VEGFC: variants seen among roughly 807,000 people sequenced by gnomAD.
The protein encoded by VEGFC is FLT4 ligand DHM.
Under a neutral mutation model 46.1 loss-of-function variants are expected in VEGFC, and 12 were observed. The observed-to-expected ratio is 0.26, with a 90% confidence interval of 0.17 to 0.42. VEGFC has a LOEUF of 0.42. Ranked by LOEUF, VEGFC falls within the 10% of genes least tolerant of loss-of-function variation. VEGFC has a pLI of 1.00. For synonymous variants in VEGFC, 232 were observed against 195.5 expected, an observed-to-expected ratio of 1.19 and a Z score of -1.56; for missense variants, 488 against 529.4, an observed-to-expected ratio of 0.92 and a Z score of 0.77.
intron 6 of VEGFC, among the ~76,000 whole-genome samples, chr4:176,684,466 GCAGAACTGT>G (rs1734002224): frequency 6.6e-6 from 1 of 152,166 alleles, no homozygotes. Flanking sequence ...AGCCATGTTG[GCAGAACTGT>G]GGTCCTCAGT....
intron 3 of VEGFC, among the ~76,000 whole-genome samples, chr4:176,717,520 T>A (rs1300799110): frequency 6.6e-6 from 1 of 152,138 alleles, no homozygotes; most frequent in South Asian, 2.1e-4. Flanking sequence ...GTACTTATCT[T>A]GCTGGCTATT....
chr4:176,749,325 A>C (rs1411181963), intron 1 of VEGFC, among the ~76,000 whole-genome samples: 1 of 151,976 alleles, frequency 6.6e-6, no homozygotes, highest in African/African-American at 2.4e-5. Flanking sequence ...TAAACAGAAA[A>C]GAGATGTTAT....
rs963713262 is a variant in VEGFC, at chr4:176,787,974, T to C, written c.147+4191A>G. On this transcript the variant is annotated intron_variant, in intron 1 of 6. Coordinates refer to ENST00000618562, the MANE Select transcript of VEGFC (RefSeq NM_005429.5). ...ACAAAAGGTAGACCCATATAGTATT[T>C]ATAAAATGCACATCTACAAGGAATA... Among the ~76,000 whole-genome samples, 35 of 152,338 alleles carry C rather than the reference T, an allele frequency of 2.3e-4. 1 individual carries two copies. Among genetic ancestry groups the C allele is most frequent in the South Asian group, 8.3e-4 (4 of 4,834 alleles).
chr4:176,728,816 G>A lies in VEGFC; in HGVS notation c.361+717C>T, dbSNP rs184297479. 4.6e-5 allele frequency among the ~76,000 whole-genome samples: 7 copies of A among 152,210 alleles called. 1 individual carries two copies. The East Asian group carries it at 9.7e-4, about 21-fold the overall frequency. On this transcript the variant is annotated intron_variant, in intron 2 of 6. Transcript: ENST00000618562. ...CTTTCCAATATCAAACTTTTATAGC[G>A]ATTAAGAGCTACCAACTGAAGGCAA... is the stretch of plus-strand genomic sequence containing the variant.
At chr4:176,734,952 T>G (rs1267625494) in intron 1 of VEGFC, among the ~76,000 whole-genome samples, 1 of 151,798 alleles carries the variant, frequency 6.6e-6, no homozygotes, top group African/African-American at 2.4e-5. Flanking sequence ...GCCATTTTTT[T>G]TTTCTTTTTA....
At chr4:176,750,595 C>T (rs1443306967) in intron 1 of VEGFC, among the ~76,000 whole-genome samples, 6 of 151,570 alleles carry the variant, frequency 4.0e-5, no homozygotes, top group African/African-American at 1.5e-4. Context: ...GACTTGCATA[C>T]CTAAACCCTT....
chr4:176,772,951 A>G (rs1208516919), intron 1 of VEGFC, among the ~76,000 whole-genome samples: 5 of 152,228 alleles, frequency 3.3e-5, no homozygotes, highest in Non-Finnish European at 7.3e-5. Flanking sequence ...ATACCTACCC[A>G]AAGTACATTC....
chr4:176,700,947 A>C (rs1260514995), intron 4 of VEGFC, among the ~76,000 whole-genome samples: 2 of 152,216 alleles, frequency 1.3e-5, no homozygotes, highest in East Asian at 1.9e-4. Context: ...CCAGGAATAC[A>C]GGGGAGGAGA....
chr4:176,701,001 T>C (rs1361449422), intron 4 of VEGFC, among the ~76,000 whole-genome samples: 1 of 152,160 alleles, frequency 6.6e-6, no homozygotes, highest in Non-Finnish European at 1.5e-5. Flanking sequence ...AGTAAAAGTA[T>C]TCTGCATGAT....
At chr4:176,747,688 G>A (rs1579120518) in intron 1 of VEGFC, among the ~76,000 whole-genome samples, 1 of 152,144 alleles carries the variant, frequency 6.6e-6, no homozygotes, top group East Asian at 1.9e-4. Flanking sequence ...CAGCTACTCA[G>A]GACACTGAGG....
At chr4:176,738,815 C>G (rs1439824603) in intron 1 of VEGFC, among the ~76,000 whole-genome samples, 4 of 151,786 alleles carry the variant, frequency 2.6e-5, no homozygotes, top group Non-Finnish European at 5.9e-5. Flanking sequence ...TGACAAAAGT[C>G]TAATATCCAG....
intron 1 of VEGFC, among the ~76,000 whole-genome samples, chr4:176,735,893 T>C (rs938177005): frequency 2.6e-5 from 4 of 151,954 alleles, no homozygotes; most frequent in African/African-American, 7.2e-5. Context: ...TCTTTCAAAA[T>C]GTATTTTATG....
At chr4:176,712,681 C>T (rs1251865779) in intron 3 of VEGFC, among the ~76,000 whole-genome samples, 2 of 152,122 alleles carry the variant, frequency 1.3e-5, no homozygotes, top group African/African-American at 2.4e-5. Context: ...TTGGCCTTTG[C>T]TGAACTTTCA....
intron 3 of VEGFC, among the ~76,000 whole-genome samples, chr4:176,714,936 A>G (rs1376926649): frequency 2.0e-5 from 3 of 152,186 alleles, no homozygotes. Context: ...CAAAGGCTGC[A>G]AGAAATGTGT....
chr4:176,683,714 T>C lies in VEGFC; in HGVS notation c.*212A>G. The stretch of plus-strand genomic sequence containing the variant: ...AATCACAAGAGGAAAATCTTGGCTG[T>C]TTGGTCATTGGCAGAAAACCAGTCT... On this transcript the variant is annotated 3_prime_UTR_variant, in exon 7 of 7. Transcript: ENST00000618562. 2.7e-6 allele frequency: 1 copy of C among 375,652 alleles called. No homozygotes were observed. Among genetic ancestry groups the C allele is most frequent in the Non-Finnish European group, 4.7e-6 (1 of 210,782 alleles). 23.3% of individuals were successfully genotyped at this position (375,652 alleles called of 1,614,324 possible).
chr4:176,730,372 C>T lies in VEGFC; in HGVS notation c.148-626G>A, dbSNP rs143281261. ...TTCAGAGAACACTAAATCTTATTGA[C>T]GGCTAACTGCATACATAAGTATACT... On this transcript the variant is annotated intron_variant, in intron 1 of 6. Coordinates refer to ENST00000618562, the MANE Select transcript of VEGFC (RefSeq NM_005429.5). 4.4e-3 allele frequency among the ~76,000 whole-genome samples: 673 copies of T among 152,138 alleles called. 15 individuals are homozygous for T. The highest frequency in any genetic ancestry group is 0.04 in the Admixed American group (603 of 15,260).
intron 1 of VEGFC, among the ~76,000 whole-genome samples, chr4:176,779,132 CTAATA>C (rs1293913403): frequency 3.9e-5 from 6 of 152,050 alleles, no homozygotes; most frequent in Non-Finnish European, 8.8e-5. Flanking sequence ...CAAAGCTATC[CTAATA>C]TAATAACATC....
chr4:176,746,720 T>C (rs1735263246), intron 1 of VEGFC, among the ~76,000 whole-genome samples: 1 of 152,074 alleles, frequency 6.6e-6, no homozygotes, highest in African/African-American at 2.4e-5. Flanking sequence ...CTAGTATGAG[T>C]AAAGCAACCA....
chr4:176,778,072 C>T (rs1381869934), intron 1 of VEGFC, among the ~76,000 whole-genome samples: 1 of 151,420 alleles, frequency 6.6e-6, no homozygotes, highest in Non-Finnish European at 1.5e-5. Flanking sequence ...AATAATCTTT[C>T]AAATACAACA....
Sources: gnomAD v4.1 joint callset for allele counts (sites outside exome capture counted in the v4.1 genomes callset) on GRCh38, gnomAD v4.1.1 for gene constraint, MANE v1.5 for transcripts, NCBI Gene and HGNC (gene_info 2026-07-23, HGNC 2026-07-21) for gene names.